The following C12orf42 variants were observed in gnomAD, a reference collection of about 807,000 sequenced individuals.
C12orf42 encodes chromosome 12 open reading frame 42, also known as uncharacterized protein C12orf42.
C12orf42 carries 25 observed loss-of-function variants against 21.6 expected under a neutral mutation model. That is an observed-to-expected ratio of 1.16 (90% CI 0.84 to 1.62). C12orf42 has a LOEUF of 1.62. Among genes scored for constraint, C12orf42 ranks in the 40% most tolerant of loss-of-function variants. The probability of loss-of-function intolerance (pLI) is 0.00; values close to 1 mark genes in which losing one functional copy is unlikely to be tolerated. For missense variants in C12orf42, 483 were observed against 459.3 expected, an observed-to-expected ratio of 1.05 and a Z score of -0.47; for synonymous variants, 174 against 175.0, an observed-to-expected ratio of 0.99 and a Z score of 0.05.
At chr12:103,089,507 T>C in the C12orf42 span, among the ~76,000 whole-genome samples, 1,626 of 152,024 alleles carry the variant, frequency 0.011, 12 homozygotes, top group South Asian at 0.019. Flanking sequence ...AAATCGGTAA[T>C]GAGACTCCAA....
intron 4 of C12orf42, among the ~76,000 whole-genome samples, chr12:103,332,071 G>C (rs1408244284): frequency 1.3e-5 from 2 of 152,118 alleles, no homozygotes; most frequent in African/African-American, 4.8e-5. Flanking sequence ...AAAGTGGTTT[G>C]AGCAAAGGGA....
the C12orf42 span, among the ~76,000 whole-genome samples, chr12:103,196,142 A>T: frequency 6.6e-6 from 1 of 152,088 alleles, no homozygotes; most frequent in Non-Finnish European, 1.5e-5. Flanking sequence ...CTTTGTTTTC[A>T]TTAGTTTCAA....
At chr12:103,048,807 T>C in the C12orf42 span, among the ~76,000 whole-genome samples, 1 of 152,140 alleles carries the variant, frequency 6.6e-6, no homozygotes, top group East Asian at 1.9e-4. Context: ...GGATTAATTA[T>C]ATTGCGCCCT....
chr12:103,286,392 T>TAGTC (rs1249264172), intron 4 of C12orf42, among the ~76,000 whole-genome samples: 1 of 151,748 alleles, frequency 6.6e-6, no homozygotes, highest in Admixed American at 6.6e-5. Flanking sequence ...GATGCCCATG[T>TAGTC]AGTCAGGCCT....
intron 4 of C12orf42, among the ~76,000 whole-genome samples, chr12:103,283,612 C>T (rs1362846419): frequency 2.0e-5 from 3 of 152,196 alleles, no homozygotes; most frequent in Admixed American, 6.5e-5. Flanking sequence ...GACCAGCCAG[C>T]GCTCACATCT....
chr12:103,147,771 T>C, the C12orf42 span, among the ~76,000 whole-genome samples: 1 of 151,926 alleles, frequency 6.6e-6, no homozygotes, highest in African/African-American at 2.4e-5. Flanking sequence ...CTTTTCTATC[T>C]TGGCTTTGAA....
chr12:103,121,430 G>A, the C12orf42 span, among the ~76,000 whole-genome samples: 5 of 152,310 alleles, frequency 3.3e-5, no homozygotes, highest in South Asian at 1.0e-3. Context: ...AGTATGCAAA[G>A]GAAGGTTGTT....
At chr12:103,119,371 T>C in the C12orf42 span, among the ~76,000 whole-genome samples, 1 of 152,214 alleles carries the variant, frequency 6.6e-6, no homozygotes, top group East Asian at 1.9e-4. Context: ...AGCTGTTGAT[T>C]ATCAGCTATC....
the C12orf42 span, among the ~76,000 whole-genome samples, chr12:103,223,456 C>T: frequency 4.6e-5 from 7 of 152,084 alleles, no homozygotes; most frequent in Admixed American, 6.5e-5. Context: ...AGAATTGGGA[C>T]GACTCAGGAT....
At chr12:103,301,743 T>C (rs1374383666), downstream of C12orf42, among the ~76,000 whole-genome samples, 1 of 152,172 alleles carries the variant, frequency 6.6e-6, no homozygotes, top group Non-Finnish European at 1.5e-5. Flanking sequence ...AAAACATCCT[T>C]AAGCCAAAGG....
chr12:103,530,912 G>T, the C12orf42 span, among the ~76,000 whole-genome samples: 11 of 152,302 alleles, frequency 7.2e-5, no homozygotes, highest in South Asian at 2.3e-3. Flanking sequence ...AGGAATCTGA[G>T]CTGTCAGGGA....
chr12:103,153,766 A>G, the C12orf42 span, among the ~76,000 whole-genome samples: 1 of 152,070 alleles, frequency 6.6e-6, no homozygotes, highest in Non-Finnish European at 1.5e-5. Flanking sequence ...TAATATCTAA[A>G]TATCTGCATA....
chr12:103,122,715 G>C, the C12orf42 span, among the ~76,000 whole-genome samples: 2 of 152,174 alleles, frequency 1.3e-5, no homozygotes, highest in Non-Finnish European at 2.9e-5. Context: ...GAACAGCAAG[G>C]TCTACAGCAG....
chr12:103,100,830 T>C, the C12orf42 span, among the ~76,000 whole-genome samples: 3 of 152,142 alleles, frequency 2.0e-5, no homozygotes, highest in Admixed American at 2.0e-4. Context: ...GGTAAAATAA[T>C]CTGTATAATA....
the C12orf42 span, among the ~76,000 whole-genome samples, chr12:103,532,726 C>T: frequency 6.6e-6 from 1 of 152,176 alleles, no homozygotes; most frequent in East Asian, 1.9e-4. Flanking sequence ...TGTCCTGTGT[C>T]ATTTGCATGA....
At chr12:103,325,992 A>T (rs2040656116) in intron 4 of C12orf42, among the ~76,000 whole-genome samples, 1 of 152,226 alleles carries the variant, frequency 6.6e-6, no homozygotes, top group Non-Finnish European at 1.5e-5. Context: ...CATTGTGCTC[A>T]ATAATAATAT....
At chr12:103,170,004 C>T in the C12orf42 span, among the ~76,000 whole-genome samples, 2 of 151,968 alleles carry the variant, frequency 1.3e-5, no homozygotes, top group East Asian at 1.9e-4. Context: ...ATAGAAGGAA[C>T]CAAAAGCAAC....
intron 2 of C12orf42, among the ~76,000 whole-genome samples, chr12:103,473,450 C>T (rs1365587461): frequency 6.6e-6 from 1 of 152,152 alleles, no homozygotes; most frequent in African/African-American, 2.4e-5. Flanking sequence ...CAGTAAGTGG[C>T]AACTACAGTC....
intron 4 of C12orf42, among the ~76,000 whole-genome samples, chr12:103,343,198 AC>A (rs1177946740): frequency 6.6e-6 from 1 of 152,214 alleles, no homozygotes; most frequent in Non-Finnish European, 1.5e-5. Flanking sequence ...AGAAATGGAG[AC>A]ATTTCATATC....
Sources: gnomAD v4.1 joint callset for allele counts (sites outside exome capture counted in the v4.1 genomes callset) on GRCh38, gnomAD v4.1.1 for gene constraint, MANE v1.5 for transcripts, NCBI Gene and HGNC (gene_info 2026-07-23, HGNC 2026-07-21) for gene names.